The following CNTNAP2 variants were observed in gnomAD, a reference collection of about 807,000 sequenced individuals.
CNTNAP2 encodes the protein contactin-associated protein-like 2.
A neutral mutation model predicts 155.2 loss-of-function variants in CNTNAP2; 98 were observed. That is an observed-to-expected ratio of 0.63 (90% confidence interval 0.54 to 0.75). The LOEUF is 0.75. CNTNAP2 is among the 30% of genes least tolerant of loss of function. The pLI, the probability that CNTNAP2 is intolerant of heterozygous loss-of-function variation, is 0.00. For synonymous variants in CNTNAP2, 651 were observed against 631.2 expected, an observed-to-expected ratio of 1.03 and a Z score of -0.47; for missense variants, 1,727 against 1,688.1, an observed-to-expected ratio of 1.02 and a Z score of -0.40.
chr7:147,121,021 T>A lies in CNTNAP2; in HGVS notation c.797T>A (p.Met266Lys). 1 of 1,613,996 alleles carries A rather than the reference T, an allele frequency of 6.2e-7. No individual in the cohort carries two copies. The highest frequency in any genetic ancestry group is 8.5e-7 in the Non-Finnish European group (1 of 1,179,996). ...LGPIYGHTSV[M>K]TGSLLDDHHW... ...CCCATATATGGCCACACATCAGTGA[T>A]GACAGGAAGTTTGCTGGATGACCAC... The change falls in exon 6 of 24, where the codon ATG (methionine) becomes AAG (lysine). Residue 266 changes from methionine (M) to lysine (K), a missense_variant. Coordinates refer to ENST00000361727, the MANE Select transcript of CNTNAP2 (RefSeq NM_014141.6).
At chr7:147,165,472 G>C (rs868448548) in intron 8 of CNTNAP2, among the ~76,000 whole-genome samples, 1 of 152,022 alleles carries the variant, frequency 6.6e-6, no homozygotes, top group Admixed American at 6.6e-5. Flanking sequence ...TCTGCTGACT[G>C]TTCCCTTTGC....
intron 13 of CNTNAP2, among the ~76,000 whole-genome samples, chr7:147,873,193 G>T (rs1799358441): frequency 6.6e-6 from 1 of 152,168 alleles, no homozygotes; most frequent in Non-Finnish European, 1.5e-5. Flanking sequence ...CCACTAAGGA[G>T]CTCTAACCAG....
chr7:147,806,945 G>A (rs965098958), intron 13 of CNTNAP2, among the ~76,000 whole-genome samples: 3 of 152,126 alleles, frequency 2.0e-5, no homozygotes, highest in South Asian at 2.1e-4. Flanking sequence ...GCACAATAGG[G>A]TGACTATAGT....
At chr7:147,447,220 G>A (rs184862468) in intron 10 of CNTNAP2, among the ~76,000 whole-genome samples, 105 of 152,196 alleles carry the variant, frequency 6.9e-4, no homozygotes, top group Middle Eastern at 6.8e-3. Flanking sequence ...GAATGCATGC[G>A]TAAATAGCTT....
At chr7:147,108,540 C>G (rs1800813834) in intron 5 of CNTNAP2, among the ~76,000 whole-genome samples, 190 bp downstream of exon 5, 1 of 152,146 alleles carries the variant, frequency 6.6e-6, no homozygotes, top group Non-Finnish European at 1.5e-5. Context: ...TTAAACACCT[C>G]TACTATACAA....
chr7:147,513,147 T>C (rs1049268447), intron 11 of CNTNAP2, among the ~76,000 whole-genome samples: 1 of 152,180 alleles, frequency 6.6e-6, no homozygotes. Context: ...TGAAAATCTA[T>C]TATTTGTATA....
At chr7:147,045,847 C>A (rs1310510607) in intron 4 of CNTNAP2, among the ~76,000 whole-genome samples, 1 of 151,970 alleles carries the variant, frequency 6.6e-6, no homozygotes, top group East Asian at 1.9e-4. Context: ...TATACACACA[C>A]ATATACATAC....
At chr7:147,411,439 C>G (rs953467618) in intron 10 of CNTNAP2, among the ~76,000 whole-genome samples, 3 of 152,136 alleles carry the variant, frequency 2.0e-5, no homozygotes, top group Non-Finnish European at 4.4e-5. Flanking sequence ...GGAACAGAGA[C>G]CCAATCAGTT....
chr7:148,079,001 G>T (rs1803547841), intron 15 of CNTNAP2, among the ~76,000 whole-genome samples: 2 of 152,196 alleles, frequency 1.3e-5, no homozygotes, highest in Non-Finnish European at 1.5e-5. Flanking sequence ...TGATTGAATG[G>T]TGGTGTCTAC....
At chr7:147,816,294 C>G (rs1314910979) in intron 13 of CNTNAP2, among the ~76,000 whole-genome samples, 1 of 152,016 alleles carries the variant, frequency 6.6e-6, no homozygotes, top group Non-Finnish European at 1.5e-5. Flanking sequence ...GAGAGGGGAC[C>G]ATTCTGAGGA....
intron 14 of CNTNAP2, among the ~76,000 whole-genome samples, chr7:147,928,687 T>A (rs546110212): frequency 6.6e-6 from 1 of 152,304 alleles, no homozygotes; most frequent in South Asian, 2.1e-4. Flanking sequence ...GGTCAGTTAC[T>A]CTCACACTTG....
At chr7:147,677,018 A>T (rs1483672648) in intron 13 of CNTNAP2, among the ~76,000 whole-genome samples, 2 of 151,794 alleles carry the variant, frequency 1.3e-5, no homozygotes, top group African/African-American at 2.4e-5. Flanking sequence ...TTTCCTTTGG[A>T]TATATACTCA....
intron 1 of CNTNAP2, among the ~76,000 whole-genome samples, chr7:146,557,568 C>T (rs802012): frequency 0.82 from 124,438 of 151,998 alleles, 51,613 homozygotes; most frequent in African/African-American, 0.91. Flanking sequence ...GTAAGTCATA[C>T]AGGTTAGAAT....
At chr7:146,179,000 T>C (rs993201992) in intron 1 of CNTNAP2, among the ~76,000 whole-genome samples, 7 of 152,230 alleles carry the variant, frequency 4.6e-5, no homozygotes, top group African/African-American at 1.7e-4. Context: ...AAGTTAAAGA[T>C]AACTGAGACT....
At chr7:146,324,146 C>T (rs1298151351) in intron 1 of CNTNAP2, among the ~76,000 whole-genome samples, 1 of 152,010 alleles carries the variant, frequency 6.6e-6, no homozygotes, top group Non-Finnish European at 1.5e-5. Flanking sequence ...CCTGTAATCC[C>T]AGGTACTTGG....
rs71527884 is a variant in CNTNAP2 at position 148,181,741 on chromosome 7, C to CTTTTTTTT, written c.3010+9290_3010+9297dup. Among the ~76,000 whole-genome samples the CTTTTTTTT allele has an allele frequency of 1.4e-3, 68 of 48,664 alleles. 8 individuals are homozygous for CTTTTTTTT. The highest frequency in any genetic ancestry group is 5.8e-3 in the East Asian group (8 of 1,368). The allele number at this position is 48,664 out of a possible 152,430, so 31.9% of individuals were successfully genotyped here. ...ATAACTTTTGTTTCAAGTGTGTGCC[C>CTTTTTTTT]TTTTTTTTTTTTTTTTTTTTTTTTT... On this transcript the variant is annotated intron_variant, in intron 18 of 23. Transcript: ENST00000361727.
At chr7:147,264,841 T>C (rs566311132) in intron 8 of CNTNAP2, among the ~76,000 whole-genome samples, 38 of 152,218 alleles carry the variant, frequency 2.5e-4, no homozygotes, top group African/African-American at 9.1e-4. Flanking sequence ...TAAACAGCTA[T>C]GAACTATTTG....
chr7:147,503,850 A>G (rs906520665), intron 11 of CNTNAP2, among the ~76,000 whole-genome samples: 2 of 152,062 alleles, frequency 1.3e-5, no homozygotes, highest in African/African-American at 4.8e-5. Context: ...TGCAAAACCT[A>G]ATAGTCTTTG....
intron 8 of CNTNAP2, among the ~76,000 whole-genome samples, chr7:147,155,206 G>A (rs954710944): frequency 6.6e-6 from 1 of 152,150 alleles, no homozygotes; most frequent in African/African-American, 2.4e-5. Flanking sequence ...AGAGAGCTCA[G>A]AGAGATCCCT....
Sources: gnomAD v4.1 joint callset for allele counts (sites outside exome capture counted in the v4.1 genomes callset) on GRCh38, gnomAD v4.1.1 for gene constraint, MANE v1.5 for transcripts, NCBI Gene and HGNC (gene_info 2026-07-23, HGNC 2026-07-21) for gene names.